PPP2R3B: variants seen among roughly 807,000 people sequenced by gnomAD.
PPP2R3B encodes the protein protein phosphatase 2 regulatory subunit B''beta, also known as serine/threonine-protein phosphatase 2A regulatory subunit B'' subunit beta.
In PPP2R3B, 68 loss-of-function variants were observed where a neutral mutation model predicts 72.9. That is an observed-to-expected ratio of 0.93 (90% CI 0.77 to 1.14). PPP2R3B has a LOEUF of 1.14. Ranked by LOEUF, PPP2R3B falls within the 50% of genes most tolerant of loss-of-function variation. The probability of loss-of-function intolerance (pLI) is 0.00; values close to 1 mark genes in which losing one functional copy is unlikely to be tolerated. For missense variants in PPP2R3B, 1,018 were observed against 842.0 expected, an observed-to-expected ratio of 1.21 and a Z score of -2.59; for synonymous variants, 466 against 375.8, an observed-to-expected ratio of 1.24 and a Z score of -2.78.
chrX:337,117 G>A (rs2070910528), intron 12 of PPP2R3B: 1 of 151,696 alleles, frequency 6.6e-6, no homozygotes, highest in Admixed American at 6.6e-5. Context: ...GTCTCGCTCT[G>A]TCACCCAGGC....
At chrX:345,396 A>C (rs1278725487) in intron 7 of PPP2R3B, 120 bp downstream of exon 7, 14 of 1,337,400 alleles carry the variant, frequency 1.0e-5, no homozygotes, top group Admixed American at 5.9e-5. Flanking sequence ...TGCGAAGGAG[A>C]GGCAGCTGCA....
chrX:373,510 C>CCGCGGGGCG (rs761060888), intron 1 of PPP2R3B: 9 of 164,288 alleles, frequency 5.5e-5, no homozygotes, highest in African/African-American at 1.7e-4. Flanking sequence ...TGTCGGGCAG[C>CCGCGGGGCG]CGCGGGGCGC....
intron 2 of PPP2R3B, among the ~76,000 whole-genome samples, chrX:351,956 A>G (rs2071340959): frequency 6.6e-6 from 1 of 152,082 alleles, no homozygotes; most frequent in Non-Finnish European, 1.5e-5. Context: ...TGGCCTCTCA[A>G]AGTGCTGGGA....
intron 4 of PPP2R3B, 105 bp downstream of exon 4, chrX:347,129 G>A (rs112941215): frequency 1.7e-6 from 2 of 1,197,452 alleles, no homozygotes; most frequent in African/African-American, 1.6e-5. Context: ...CTCCCGTGAG[G>A]GATGAGGCGT....
chrX:383,856 A>AAAC (rs2072182521), intron 1 of PPP2R3B, among the ~76,000 whole-genome samples: 4 of 142,982 alleles, frequency 2.8e-5, no homozygotes, highest in Non-Finnish European at 6.2e-5. Context: ...AAAAAAAAAA[A>AAAC]AAAAAAAAAA....
chrX:352,533 G>GTCTGCCCACCTTGCTCTGTGTGGATCA (rs2071352674), intron 2 of PPP2R3B, among the ~76,000 whole-genome samples: 1 of 151,168 alleles, frequency 6.6e-6, no homozygotes, highest in Admixed American at 6.6e-5. Flanking sequence ...TGTGTGGATC[G>GTCTGCCCACCTTGCTCTGTGTGGATCA]TCTGCCCACC....
intron 1 of PPP2R3B, among the ~76,000 whole-genome samples, chrX:375,822 C>CACACGCCCTGTCCTGCCACGCTGGGTG (rs1189899141): frequency 6.6e-6 from 1 of 152,162 alleles, no homozygotes; most frequent in African/African-American, 2.4e-5. Context: ...CGCCAGGTGA[C>CACACGCCCTGTCCTGCCACGCTGGGTG]ACACGCCCTG....
intron 1 of PPP2R3B, among the ~76,000 whole-genome samples, chrX:370,241 C>T (rs1465523497): frequency 2.0e-5 from 3 of 152,170 alleles, no homozygotes; most frequent in Non-Finnish European, 4.4e-5. Flanking sequence ...GAGGGGTCAA[C>T]ACAGAAACGC....
chrX:374,041 G>T (rs746394681), intron 1 of PPP2R3B: 2 of 152,630 alleles, frequency 1.3e-5, no homozygotes, highest in South Asian at 4.1e-4. Context: ...CGCGGCAGCC[G>T]TCACGTGGCT....
In PPP2R3B at chrX:338,710, C is replaced by T. The variant is rs1317834854; in HGVS notation, c.1471G>A (p.Asp491Asn). The change falls in exon 12 of 13, where the codon GAC becomes AAC. Residue 491 changes from aspartate (D) to asparagine (N), a missense_variant and splice_region_variant. Physicochemically the swap from Asp to Asn is conservative, Grantham distance 23. Transcript: ENST00000390665. Reference protein sequence around the residue: ...EQKEQISLLRDGDSGGPELSD... With the variant: ...EQKEQISLLRNGDSGGPELSD... ...AGCTCGGGGCCGCCGCTGTCACCGT[C>T]CTGGAGGAAGCACACGGGTTACGTA... 2.3e-5 allele frequency: 37 copies of T among 1,611,682 alleles called. No homozygotes were observed. Among genetic ancestry groups the T allele is most frequent in the Middle Eastern group, 1.7e-4 (1 of 5,768 alleles).
At chrX:349,347 G>A (rs781603663) in intron 2 of PPP2R3B, among the ~76,000 whole-genome samples, 1 of 152,172 alleles carries the variant, frequency 6.6e-6, no homozygotes, top group South Asian at 2.1e-4. Context: ...TGTCTTGCTG[G>A]TGACAAGCTG....
chrX:361,734 C>CG, intron 1 of PPP2R3B, 144 bp from the exon 2 acceptor site: 5 of 875,078 alleles, frequency 5.7e-6, no homozygotes, highest in Non-Finnish European at 8.9e-6. Flanking sequence ...GCAATCCCTG[C>CG]GGGGGACCAC....
At chrX:362,060 C>T (rs1258271758) in intron 1 of PPP2R3B, among the ~76,000 whole-genome samples, 7 of 152,260 alleles carry the variant, frequency 4.6e-5, no homozygotes, top group African/African-American at 9.6e-5. Flanking sequence ...CCCTGGAGCC[C>T]GGAAGACTCA....
At position 345,503 on chromosome X, in the gene PPP2R3B, T is replaced by C. The variant is rs1387112071; in HGVS notation, c.1036+13A>G. ...TGTCCGCGCGGCCCGCCCGCCCCTG[T>C]GCCCCCACGCACCGTGGTCATTGTG... On this transcript the variant is annotated intron_variant, in intron 7 of 12. Transcript: ENST00000390665. 1.2e-6 allele frequency: 2 copies of C among 1,612,336 alleles called. No individual in the cohort carries two copies. The highest frequency in any genetic ancestry group is 1.7e-5 in the Admixed American group (1 of 59,960).
At chrX:351,840 G>C (rs1485179462) in intron 2 of PPP2R3B, among the ~76,000 whole-genome samples, 1 of 152,198 alleles carries the variant, frequency 6.6e-6, no homozygotes, top group Non-Finnish European at 1.5e-5. Flanking sequence ...TGGGACCACA[G>C]GTGCGCGCTA....
At position 334,043 on chromosome X, in the gene PPP2R3B, G is replaced by T; in HGVS notation, c.*324C>A. On this transcript the variant is annotated 3_prime_UTR_variant, in exon 13 of 13. Transcript: ENST00000390665. ...TCCAGGACTGAGGCGCCCGGGAGCC[G>T]CCGGTCACCGTTGTGCGCACACGGA... The T allele has an allele frequency of 7.6e-6, 2 of 263,486 alleles. No homozygotes were observed. The highest frequency in any genetic ancestry group is 1.4e-5 in the Non-Finnish European group (2 of 140,572). 16.3% of individuals were successfully genotyped at this position (263,486 alleles called of 1,614,324 possible).
rs2738362 is a variant in PPP2R3B at position 341,688 on chromosome X, T to C, written c.1085+195A>G. The C allele has an allele frequency of 0.78, 546,413 of 704,874 alleles. 212,846 individuals are homozygous for C. Among genetic ancestry groups the C allele is most frequent in the Middle Eastern group, 0.84 (2,117 of 2,508 alleles). The allele number at this position is 704,874 out of a possible 1,614,324, so 43.7% of individuals were successfully genotyped here. On this transcript the variant is annotated intron_variant, in intron 8 of 12. Coordinates refer to ENST00000390665, the MANE Select transcript of PPP2R3B (RefSeq NM_013239.5). ...GCCTGGGCCACCCCCTTCCTCAGACTTCGCGTGACAGTCTTGTGCCACCCC... is the reference window on the plus strand; with the variant it reads ...GCCTGGGCCACCCCCTTCCTCAGACCTCGCGTGACAGTCTTGTGCCACCCC...
chrX:363,257 G>GCA (rs2071582940), intron 1 of PPP2R3B, among the ~76,000 whole-genome samples: 4 of 101,630 alleles, frequency 3.9e-5, no homozygotes, highest in South Asian at 3.1e-4. Flanking sequence ...CCGAGCCCAT[G>GCA]ATCCCGCAGT....
intron 2 of PPP2R3B, among the ~76,000 whole-genome samples, chrX:359,067 GGCTTTGTAGGACCCGAA>G (rs1293965856): frequency 6.6e-6 from 1 of 152,218 alleles, no homozygotes; most frequent in Non-Finnish European, 1.5e-5. Flanking sequence ...CTGCGCGAGC[GGCTTTGTAGGACCCGAA>G]GCGGACGCAG....
Sources: gnomAD v4.1 joint callset for allele counts (sites outside exome capture counted in the v4.1 genomes callset) on GRCh38, gnomAD v4.1.1 for gene constraint, MANE v1.5 for transcripts, NCBI Gene and HGNC (gene_info 2026-07-23, HGNC 2026-07-21) for gene names.